The following SLC39A10 variants were observed in gnomAD, a reference collection of about 807,000 sequenced individuals.
SLC39A10 encodes the protein solute carrier family 39 member 10, also known as zinc transporter ZIP10.
SLC39A10 carries 13 observed loss-of-function variants against 65.1 expected under a neutral mutation model. The observed-to-expected ratio is 0.20, with a 90% CI of 0.13 to 0.32. The LOEUF is 0.32. Among genes scored for constraint, SLC39A10 ranks in the 10% least tolerant of loss-of-function variants. SLC39A10 has a pLI of 1.00. For synonymous variants in SLC39A10, 321 were observed against 342.2 expected, an observed-to-expected ratio of 0.94 and a Z score of 0.68; for missense variants, 831 against 1,018.4, an observed-to-expected ratio of 0.82 and a Z score of 2.50.
intron 2 of SLC39A10, among the ~76,000 whole-genome samples, chr2:195,649,442 A>C (rs935238162): frequency 5.9e-5 from 9 of 152,240 alleles, no homozygotes; most frequent in East Asian, 1.9e-4. Context: ...TTGATTTTAG[A>C]AGATGTACTT....
chr2:195,620,560 C>CT (rs1688328989), intron 2 of SLC39A10, among the ~76,000 whole-genome samples: 1 of 151,920 alleles, frequency 6.6e-6, no homozygotes, highest in Admixed American at 6.6e-5. Context: ...TCTTTAAAGT[C>CT]TGGAGAACTA....
intron 2 of SLC39A10, among the ~76,000 whole-genome samples, chr2:195,618,207 A>C (rs1034226250): frequency 6.6e-6 from 1 of 151,826 alleles, no homozygotes; most frequent in East Asian, 2.0e-4. Flanking sequence ...AAAAATTAGC[A>C]GGGCATGGTG....
chr2:195,624,887 C>CAAAAA (rs60370795), intron 2 of SLC39A10, among the ~76,000 whole-genome samples: 1 of 47,326 alleles, frequency 2.1e-5, no homozygotes, highest in Non-Finnish European at 4.1e-5. Context: ...GACTCCATCT[C>CAAAAA]AAAAAAAAAA....
chr2:195,704,829 A>T (rs1247680386), intron 3 of SLC39A10, among the ~76,000 whole-genome samples: 2 of 151,730 alleles, frequency 1.3e-5, no homozygotes, highest in African/African-American at 4.8e-5. Flanking sequence ...ATAGGGTCTT[A>T]CTTTGTCACC....
At chr2:195,685,749 T>TG (rs1690500793) in intron 3 of SLC39A10, among the ~76,000 whole-genome samples, 1 of 151,980 alleles carries the variant, frequency 6.6e-6, no homozygotes, top group African/African-American at 2.4e-5. Flanking sequence ...GTATAGATCT[T>TG]GGGGGATCTT....
intron 8 of SLC39A10, among the ~76,000 whole-genome samples, chr2:195,726,223 C>G (rs1484816303): frequency 6.6e-6 from 1 of 152,134 alleles, no homozygotes; most frequent in East Asian, 1.9e-4. Context: ...ACCCATGACA[C>G]CGTTGTTCAT....
intron 5 of SLC39A10, 87 bp downstream of exon 5, chr2:195,708,931 G>A: frequency 1.1e-6 from 1 of 948,358 alleles, no homozygotes; most frequent in Non-Finnish European, 1.5e-6. Flanking sequence ...CCTTAATTAT[G>A]ATGTTGGTGT....
At chr2:195,716,589 T>C (rs1691820078) in intron 6 of SLC39A10, 48 bp from the exon 7 acceptor site, 2 of 1,509,804 alleles carry the variant, frequency 1.3e-6, no homozygotes, top group Non-Finnish European at 1.8e-6. Flanking sequence ...TTAGCAAATA[T>C]CCATGCATTT....
intron 3 of SLC39A10, among the ~76,000 whole-genome samples, chr2:195,686,671 C>G (rs751480090): frequency 6.6e-6 from 1 of 152,184 alleles, no homozygotes; most frequent in African/African-American, 2.4e-5. Flanking sequence ...TGTTTACTTT[C>G]ATTTGGTGAG....
intron 6 of SLC39A10, among the ~76,000 whole-genome samples, chr2:195,713,985 A>G (rs1388328263): frequency 6.6e-6 from 1 of 151,508 alleles, no homozygotes; most frequent in African/African-American, 2.4e-5. Flanking sequence ...GGAGTGCAGT[A>G]GCGCCATCTC....
chr2:195,720,235 T>G (rs1030605634), intron 8 of SLC39A10, among the ~76,000 whole-genome samples: 11 of 152,372 alleles, frequency 7.2e-5, no homozygotes, highest in African/African-American at 2.6e-4. Context: ...CCTTAACTTT[T>G]TCTTTTTTAC....
intron 1 of SLC39A10, among the ~76,000 whole-genome samples, chr2:195,672,322 G>C (rs1574250917): frequency 6.6e-6 from 1 of 151,982 alleles, no homozygotes; most frequent in African/African-American, 2.4e-5. Flanking sequence ...GTAGAGATAA[G>C]CTCTCAGTAT....
chr2:195,636,409 T>C (rs921887162), intron 2 of SLC39A10, among the ~76,000 whole-genome samples: 1 of 152,234 alleles, frequency 6.6e-6, no homozygotes, highest in Non-Finnish European at 1.5e-5. Flanking sequence ...ATGGTAATTA[T>C]TGATAGATGT....
intron 1 of SLC39A10, chr2:195,670,333 T>C (rs1238990877): frequency 6.6e-6 from 1 of 152,084 alleles, no homozygotes; most frequent in African/African-American, 2.4e-5. Flanking sequence ...AACAAATACA[T>C]TATCTCACAT....
chr2:195,617,289 G>A (rs576638647), intron 2 of SLC39A10, among the ~76,000 whole-genome samples: 75 of 152,256 alleles, frequency 4.9e-4, no homozygotes, highest in African/African-American at 1.7e-3. Flanking sequence ...TGAGCCGGGC[G>A]TAGTGGCTCA....
intron 3 of SLC39A10, among the ~76,000 whole-genome samples, chr2:195,700,708 T>C (rs1259857829): frequency 6.6e-6 from 1 of 152,242 alleles, no homozygotes; most frequent in Non-Finnish European, 1.5e-5. Flanking sequence ...TTGACAATTT[T>C]GTTTTTTCAT....
chr2:195,617,282 G>A (rs1335678316), intron 2 of SLC39A10, among the ~76,000 whole-genome samples: 1 of 152,104 alleles, frequency 6.6e-6, no homozygotes, highest in Non-Finnish European at 1.5e-5. Flanking sequence ...AGTTAACTGA[G>A]CCGGGCGTAG....
chr2:195,701,308 T>C (rs958317078), intron 3 of SLC39A10, among the ~76,000 whole-genome samples: 5 of 150,018 alleles, frequency 3.3e-5, no homozygotes, highest in African/African-American at 1.2e-4. Context: ...TATTGATACT[T>C]CCATTTTGTT....
intron 2 of SLC39A10, among the ~76,000 whole-genome samples, chr2:195,640,103 T>C (rs1688774598): frequency 6.6e-6 from 1 of 152,192 alleles, no homozygotes; most frequent in African/African-American, 2.4e-5. Flanking sequence ...TCACATACCC[T>C]CATTCAATGA....
Sources: gnomAD v4.1 joint callset for allele counts (sites outside exome capture counted in the v4.1 genomes callset) on GRCh38, gnomAD v4.1.1 for gene constraint, MANE v1.5 for transcripts, NCBI Gene and HGNC (gene_info 2026-07-23, HGNC 2026-07-21) for gene names.